Variants in PDK1 observed in about 807,000 individuals in gnomAD.
PDK1 encodes the protein pyruvate dehydrogenase kinase 1.
Under a neutral mutation model 54.2 loss-of-function variants are expected in PDK1, and 39 were observed. That is an observed-to-expected ratio of 0.72 (90% CI 0.56 to 0.94). The LOEUF is 0.94. PDK1 is among the 40% of genes least tolerant of loss of function. PDK1 has a pLI of 0.00. For synonymous variants in PDK1, 221 were observed against 207.1 expected (o/e 1.07, Z -0.58); for missense variants, 552 against 566.0 (o/e 0.98, Z 0.25).
chr2:172,705,597 C>T, the PDK1 span, among the ~76,000 whole-genome samples: 3 of 152,322 alleles, frequency 2.0e-5, no homozygotes, highest in South Asian at 4.1e-4. Context: ...GTAAAATTGT[C>T]ATAAGCCTCT....
At chr2:172,657,448 G>T in the PDK1 span, among the ~76,000 whole-genome samples, 38 of 36,326 alleles carry the variant, frequency 1.0e-3, no homozygotes, top group Admixed American at 2.7e-3. Context: ...GCTTTTAAAT[G>T]ATGCTTATAT....
the PDK1 span, among the ~76,000 whole-genome samples, chr2:172,638,235 C>T: frequency 1.3e-5 from 2 of 152,064 alleles, no homozygotes; most frequent in Admixed American, 6.6e-5. Flanking sequence ...ATGAAGAAAA[C>T]GACATTTTAT....
chr2:172,621,850 C>CTCATATGTATGATAT, the PDK1 span, among the ~76,000 whole-genome samples: 14 of 114,786 alleles, frequency 1.2e-4, 7 homozygotes, highest in Non-Finnish European at 1.5e-4. Flanking sequence ...ATGTATGATA[C>CTCATATGTATGATAT]ATGTTTATAT....
intron 9 of PDK1, 65 bp downstream of exon 9, chr2:172,586,453 A>G: frequency 1.0e-6 from 1 of 961,836 alleles, no homozygotes; most frequent in Admixed American, 1.8e-5. Flanking sequence ...GTAGCTGCCA[A>G]ATAAGTAAGT....
At chr2:172,664,332 A>AAAAAAAAAC in the PDK1 span, among the ~76,000 whole-genome samples, 2 of 150,954 alleles carry the variant, frequency 1.3e-5, no homozygotes, top group African/African-American at 2.4e-5. Flanking sequence ...AAAAAAAAAA[A>AAAAAAAAAC]AAGCATTGCC....
chr2:172,669,535 C>A, the PDK1 span, among the ~76,000 whole-genome samples: 16 of 152,168 alleles, frequency 1.1e-4, no homozygotes, highest in African/African-American at 3.6e-4. Flanking sequence ...TGACTATATA[C>A]CCACTAGTGG....
At chr2:172,664,653 A>G in the PDK1 span, among the ~76,000 whole-genome samples, 1 of 152,166 alleles carries the variant, frequency 6.6e-6, no homozygotes, top group Admixed American at 6.5e-5. Context: ...AGGAACTCTG[A>G]TAACACAGAA....
At chr2:172,609,015 T>G (rs901094310), downstream of PDK1, among the ~76,000 whole-genome samples, 1 of 152,220 alleles carries the variant, frequency 6.6e-6, no homozygotes, top group Non-Finnish European at 1.5e-5. Context: ...ATAAACTTAC[T>G]ACATTATGCA....
chr2:172,685,602 C>A, the PDK1 span, among the ~76,000 whole-genome samples: 4 of 152,132 alleles, frequency 2.6e-5, no homozygotes, highest in Non-Finnish European at 5.9e-5. Flanking sequence ...CAATAAGATA[C>A]CACATTAATA....
chr2:172,678,587 A>C, the PDK1 span, among the ~76,000 whole-genome samples: 1 of 152,234 alleles, frequency 6.6e-6, no homozygotes, highest in African/African-American at 2.4e-5. Context: ...TTTTTGATAT[A>C]AACCAAAATG....
intron 5 of PDK1, among the ~76,000 whole-genome samples, chr2:172,566,631 G>A (rs1011083228): frequency 2.0e-5 from 3 of 151,324 alleles, no homozygotes; most frequent in Non-Finnish European, 4.4e-5. Flanking sequence ...CAAGGCAGGA[G>A]GATGGCTTGA....
the PDK1 span, among the ~76,000 whole-genome samples, chr2:172,616,876 A>C: frequency 1.3e-5 from 2 of 152,252 alleles, no homozygotes; most frequent in African/African-American, 4.8e-5. Flanking sequence ...AAAGCAGAAC[A>C]TGGTATACAG....
chr2:172,721,075 T>C, the PDK1 span, among the ~76,000 whole-genome samples: 1 of 152,210 alleles, frequency 6.6e-6, no homozygotes, highest in African/African-American at 2.4e-5. Context: ...TTGTTAGAAA[T>C]TTTAGCAAAT....
In PDK1 at chr2:172,600,964, A is replaced by T. The variant is rs1047741757; in HGVS notation, c.*4995A>T. On this transcript the variant is annotated 3_prime_UTR_variant, in exon 11 of 11. Coordinates refer to ENST00000282077, the MANE Select transcript of PDK1 (RefSeq NM_002610.5). Reference sequence around the variant, plus strand: ...ATCTTAGTGCCCCTAAAGGGAAAGGAATGTGCTTATTAAGGGCCACTGTTT... The same window carrying T: ...ATCTTAGTGCCCCTAAAGGGAAAGGTATGTGCTTATTAAGGGCCACTGTTT... 4.6e-5 allele frequency: 7 copies of T among 152,138 alleles called. No individual in the cohort carries two copies. Among genetic ancestry groups the T allele is most frequent in the Non-Finnish European group, 8.8e-5 (6 of 68,022 alleles). 9.4% of individuals were successfully genotyped at this position (152,138 alleles called of 1,614,324 possible). A position where few individuals can be genotyped will look rare whatever the true frequency, so the allele number is the denominator to read the frequency against.
the PDK1 span, among the ~76,000 whole-genome samples, chr2:172,636,018 C>G: frequency 2.0e-5 from 3 of 152,228 alleles, no homozygotes; most frequent in Non-Finnish European, 2.9e-5. Context: ...CCCTTGCGGC[C>G]CCACATGGCG....
chr2:172,632,100 AC>A, the PDK1 span, among the ~76,000 whole-genome samples: 1 of 151,858 alleles, frequency 6.6e-6, no homozygotes, highest in Non-Finnish European at 1.5e-5. Flanking sequence ...ACATGGTGAA[AC>A]CCCGTCTACT....
chr2:172,693,799 A>G, the PDK1 span, among the ~76,000 whole-genome samples: 2 of 152,066 alleles, frequency 1.3e-5, no homozygotes, highest in East Asian at 1.9e-4. Flanking sequence ...CTTGGTGCCC[A>G]TAGGAAGCTC....
rs527689626 is a variant in PDK1 at position 172,558,593 on chromosome 2, G to T, written c.197-115G>T. On this transcript the variant is annotated intron_variant, in intron 1 of 10. Coordinates refer to ENST00000282077, the MANE Select transcript of PDK1 (RefSeq NM_002610.5). ...GCCTCCTATTCCCTGCCCCATCGTG[G>T]TGATTCTATCCCTCTGGCCTTGCCG... 4.0e-4 allele frequency: 355 copies of T among 878,898 alleles called. 1 individual carries two copies. In the East Asian group the frequency reaches 9.2e-3, roughly 23 times the overall value. 54.4% of individuals were successfully genotyped at this position (878,898 alleles called of 1,614,324 possible).
chr2:172,681,758 CTA>C, the PDK1 span, among the ~76,000 whole-genome samples: 3 of 151,986 alleles, frequency 2.0e-5, no homozygotes, highest in Non-Finnish European at 2.9e-5. Flanking sequence ...GCAATTTTAT[CTA>C]TTAGTTATTA....
Sources: allele counts gnomAD v4.1 joint callset (sites outside exome capture counted in the v4.1 genomes callset), GRCh38; gene constraint gnomAD v4.1.1; transcripts MANE v1.5; gene names NCBI Gene and HGNC (gene_info 2026-07-23, HGNC 2026-07-21).